LTBP1: variants seen among roughly 807,000 people sequenced by gnomAD.
LTBP1 encodes the protein latent-transforming growth factor beta-binding protein 1.
In LTBP1, 129 loss-of-function variants were observed where a neutral mutation model predicts 207.6. The observed-to-expected ratio is 0.62, with a 90% confidence interval of 0.54 to 0.72. The LOEUF is 0.72. Among genes scored for constraint, LTBP1 ranks in the 30% least tolerant of loss-of-function variants. The probability of loss-of-function intolerance (pLI) is 0.00; values close to 1 mark genes in which losing one functional copy is unlikely to be tolerated. For missense variants in LTBP1, 2,281 were observed against 2,217.2 expected, an observed-to-expected ratio of 1.03 and a Z score of -0.58; for synonymous variants, 963 against 833.7, an observed-to-expected ratio of 1.16 and a Z score of -2.67.
intron 22 of LTBP1, among the ~76,000 whole-genome samples, chr2:33,307,086 A>C (rs138641119): frequency 6.6e-6 from 1 of 152,114 alleles, no homozygotes; most frequent in African/African-American, 2.4e-5. Context: ...ACTCCATCTC[A>C]AAAACAAAAC....
intron 10 of LTBP1, among the ~76,000 whole-genome samples, chr2:33,249,945 G>C (rs928597333): frequency 1.3e-5 from 2 of 152,134 alleles, no homozygotes; most frequent in Non-Finnish European, 2.9e-5. Flanking sequence ...TTATGACTCA[G>C]TAGAATATAT....
In LTBP1 at chr2:33,389,217, C is replaced by G. The variant is rs534680091; in HGVS notation, c.4745C>G (p.Thr1582Arg). Reference protein sequence around the residue: ...DYAQLCNIPVTGRRQPYGRDA... With the variant: ...DYAQLCNIPVRGRRQPYGRDA... ...GCTCAGCTGTGTAACATCCCCGTGACGGGACGCCGGCAGCCATATGGACGG... is the reference window on the plus strand; with the variant it reads ...GCTCAGCTGTGTAACATCCCCGTGAGGGGACGCCGGCAGCCATATGGACGG... The change falls in exon 32 of 34, where the codon ACG becomes AGG. Residue 1582 changes from threonine to arginine, a missense_variant. Transcript: ENST00000404816. 2.8e-5 allele frequency: 45 copies of G among 1,614,064 alleles called. No homozygotes were observed. The highest frequency in any genetic ancestry group is 4.4e-5 in the South Asian group (4 of 91,074).
intron 22 of LTBP1, 62 bp from the exon 23 acceptor site, chr2:33,309,370 GAA>G: frequency 8.6e-7 from 1 of 1,165,762 alleles, no homozygotes; most frequent in Non-Finnish European, 1.2e-6. Context: ...ACATGTAAGA[GAA>G]ATGTCTAATT....
chr2:33,125,800 A>C (rs1572748537), intron 4 of LTBP1, among the ~76,000 whole-genome samples: 1 of 150,948 alleles, frequency 6.6e-6, no homozygotes, highest in South Asian at 2.1e-4. Flanking sequence ...ACTGCACTCC[A>C]GCCTGGGCAA....
At chr2:33,113,545 A>AT (rs2080539469) in intron 4 of LTBP1, among the ~76,000 whole-genome samples, 1 of 152,126 alleles carries the variant, frequency 6.6e-6, no homozygotes, top group African/African-American at 2.4e-5. Flanking sequence ...ATTTTATGGG[A>AT]TTTTCCCACA....
intron 3 of LTBP1, among the ~76,000 whole-genome samples, chr2:33,104,006 TGG>T (rs2079910057): frequency 6.6e-6 from 1 of 152,262 alleles, no homozygotes; most frequent in African/African-American, 2.4e-5. Flanking sequence ...TGGACTTCTG[TGG>T]GAAACTTTTT....
In LTBP1 at chr2:33,110,657, CT is replaced by C. The variant is rs1472944252; in HGVS notation, c.942del (p.Pro315GlnfsTer18). 3 of 1,614,210 alleles carry C rather than the reference CT, an allele frequency of 1.9e-6. No homozygotes were observed. The highest frequency in any genetic ancestry group is 2.5e-6 in the Non-Finnish European group (3 of 1,180,028). ...TQEYVLKPKYFPAQKGISGEQ... is the reference protein window; with the variant it reads ...TQEYVLKPKYXPAQKGISGEQ... ...AGGAATACGTGCTCAAGCCCAAGTACTTTCCAGCCCAGAAGGGGATTTCAGG... is the reference window on the plus strand; with the variant it reads ...AGGAATACGTGCTCAAGCCCAAGTACTTCCAGCCCAGAAGGGGATTTCAGG... On this transcript the variant is annotated frameshift_variant, in exon 4 of 34. Transcript: ENST00000404816. LOFTEE classifies it high-confidence loss of function.
At chr2:33,058,223 G>A (rs1297408704) in intron 3 of LTBP1, among the ~76,000 whole-genome samples, 3 of 152,122 alleles carry the variant, frequency 2.0e-5, no homozygotes, top group Non-Finnish European at 4.4e-5. Context: ...ATTTATAAAA[G>A]TAATAAACAT....
In LTBP1 at chr2:33,243,767, C is replaced by T. The variant is rs781556150; in HGVS notation, c.1982C>T (p.Thr661Ile). The T allele has an allele frequency of 1.5e-5, 25 of 1,613,878 alleles. No individual in the cohort carries two copies. Among genetic ancestry groups the T allele is most frequent in the African/African-American group, 2.7e-5 (2 of 74,922 alleles). ...TCKIGFGPDP[T>I]FSSCVPDPPV... The stretch of plus-strand genomic sequence containing the variant: ...AAAATAGGATTTGGGCCGGATCCTA[C>T]CTTTTCAAGTTGTGTTCGTAAGTAA... The change falls in exon 10 of 34, where the codon ACC becomes ATC. Residue 661 changes from threonine (T) to isoleucine (I), a missense_variant. Physicochemically the swap from Thr to Ile is moderately conservative, Grantham distance 89. Coordinates refer to ENST00000404816, the MANE Select transcript of LTBP1 (RefSeq NM_206943.4).
At chr2:33,292,668 A>G (rs906791391) in intron 19 of LTBP1, among the ~76,000 whole-genome samples, 1 of 152,148 alleles carries the variant, frequency 6.6e-6, no homozygotes, top group East Asian at 1.9e-4. Flanking sequence ...ATATGGATTC[A>G]CTGCCATTTT....
chr2:33,112,845 A>G (rs190041619), intron 4 of LTBP1, among the ~76,000 whole-genome samples: 4 of 152,342 alleles, frequency 2.6e-5, no homozygotes, highest in Non-Finnish European at 4.4e-5. Flanking sequence ...CTTACATGGA[A>G]CAGAAAGGAA....
At position 33,226,353 on chromosome 2, in the gene LTBP1, T is replaced by C. The variant is rs187764304; in HGVS notation, c.1876+4202T>C. On this transcript the variant is annotated intron_variant, in intron 9 of 33. Transcript: ENST00000404816. Reference sequence around the variant, plus strand: ...TTGCAGTATAATCTAAAGTAATTGATCCTGGCATACCCCAAAGTTGGGGCC... The same window carrying C: ...TTGCAGTATAATCTAAAGTAATTGACCCTGGCATACCCCAAAGTTGGGGCC... 3.0e-4 allele frequency among the ~76,000 whole-genome samples: 46 copies of C among 152,338 alleles called. No homozygotes were observed. In the East Asian group the frequency reaches 8.7e-3, roughly 29 times the overall value.
intron 3 of LTBP1, among the ~76,000 whole-genome samples, chr2:33,039,832 C>T (rs72791782): frequency 0.026 from 3,974 of 151,992 alleles, 62 homozygotes; most frequent in Non-Finnish European, 0.04. Flanking sequence ...ATAATGGGTT[C>T]GGAAAGGCAG....
At chr2:33,224,393 A>G (rs2091312640) in intron 9 of LTBP1, among the ~76,000 whole-genome samples, 1 of 152,176 alleles carries the variant, frequency 6.6e-6, no homozygotes, top group South Asian at 2.1e-4. Context: ...TTAATGTCAA[A>G]TGGATAAAAT....
In LTBP1 at chr2:32,979,405, T is replaced by C. The variant is rs1043123487; in HGVS notation, c.565+30460T>C. ...GTATGTTGTATTTCCATTATCATTG[T>C]TTCAATAATTTAAAAAAATTCCTTC... On this transcript the variant is annotated intron_variant, in intron 2 of 33. Coordinates refer to ENST00000404816, the MANE Select transcript of LTBP1 (RefSeq NM_206943.4). Among the ~76,000 whole-genome samples, 3 of 152,088 alleles carry C rather than the reference T, an allele frequency of 2.0e-5. No individual in the cohort carries two copies. The East Asian group carries it at 5.8e-4, about 29-fold the overall frequency.
In LTBP1 at chr2:32,987,737, G is replaced by T. The variant is rs1013689625; in HGVS notation, c.566-33172G>T. Among the ~76,000 whole-genome samples, 3 of 152,114 alleles carry T rather than the reference G, an allele frequency of 2.0e-5. No homozygotes were observed. In the East Asian group the frequency reaches 5.8e-4, roughly 29 times the overall value. On this transcript the variant is annotated intron_variant, in intron 2 of 33. Transcript: ENST00000404816. ...GGTTTCAGGGCTTTCAGGAAACAAA[G>T]GTCACTGCTGTGCCACATCCATGCA...
At chr2:33,330,614 A>C (rs188553994) in intron 24 of LTBP1, among the ~76,000 whole-genome samples, 1 of 151,676 alleles carries the variant, frequency 6.6e-6, no homozygotes, top group South Asian at 2.1e-4. Flanking sequence ...AAATAATTAC[A>C]TTATTTTCTT....
chr2:32,983,335 A>G lies in LTBP1; in HGVS notation c.565+34390A>G, dbSNP rs555815967. On this transcript the variant is annotated intron_variant, in intron 2 of 33. Coordinates refer to ENST00000404816, the MANE Select transcript of LTBP1 (RefSeq NM_206943.4). ...GCCTGTACCCTCATTGTATCTAGGA[A>G]GTAACTAATTTGCTTGTGATTTTAC... is the stretch of plus-strand genomic sequence containing the variant. Among the ~76,000 whole-genome samples, 17 of 152,350 alleles carry G rather than the reference A, an allele frequency of 1.1e-4. No individual in the cohort carries two copies. In the East Asian group the frequency reaches 2.7e-3, roughly 24 times the overall value.
chr2:33,207,539 A>G (rs945127068), intron 7 of LTBP1, among the ~76,000 whole-genome samples: 1 of 152,222 alleles, frequency 6.6e-6, no homozygotes, highest in Non-Finnish European at 1.5e-5. Context: ...GCCTATAAAG[A>G]ATGTTCTGCT....
Sources: gnomAD v4.1 joint callset for allele counts (sites outside exome capture counted in the v4.1 genomes callset) on GRCh38, gnomAD v4.1.1 for gene constraint, MANE v1.5 for transcripts, NCBI Gene and HGNC (gene_info 2026-07-23, HGNC 2026-07-21) for gene names.